LATS2: variants seen among roughly 807,000 people sequenced by gnomAD.
LATS2 encodes the protein large tumor suppressor kinase 2.
In LATS2, 24 loss-of-function variants were observed where a neutral mutation model predicts 76.0. That is an observed-to-expected ratio of 0.32 (90% CI 0.23 to 0.44). The LOEUF is 0.44. Among genes scored for constraint, LATS2 ranks in the 20% least tolerant of loss-of-function variants. The probability of loss-of-function intolerance (pLI) is 1.00; values close to 1 mark genes in which losing one functional copy is unlikely to be tolerated. For synonymous variants in LATS2, 692 were observed against 635.4 expected, an observed-to-expected ratio of 1.09 and a Z score of -1.34; for missense variants, 1,286 against 1,481.2, an observed-to-expected ratio of 0.87 and a Z score of 2.16.
intron 2 of LATS2, among the ~76,000 whole-genome samples, chr13:21,034,357 A>G (rs967116465): frequency 5.3e-5 from 8 of 152,158 alleles, no homozygotes; most frequent in African/African-American, 1.9e-4. Context: ...CCACGTGCCC[A>G]GGTGAAGTAC....
intron 2 of LATS2, among the ~76,000 whole-genome samples, chr13:21,021,155 A>G (rs897798558): frequency 2.0e-5 from 3 of 152,142 alleles, no homozygotes; most frequent in Admixed American, 6.6e-5. Flanking sequence ...TTACTTGTGA[A>G]TATGTTAAAC....
chr13:20,993,634 T>C (rs545039722), intron 2 of LATS2, among the ~76,000 whole-genome samples: 5 of 152,086 alleles, frequency 3.3e-5, no homozygotes, highest in African/African-American at 1.2e-4. Context: ...TTTGTTAAAG[T>C]GGCGCCTGGA....
intron 2 of LATS2, among the ~76,000 whole-genome samples, chr13:21,027,823 G>C (rs1215426863): frequency 6.6e-6 from 1 of 151,950 alleles, no homozygotes; most frequent in African/African-American, 2.4e-5. Context: ...GATTGTATTT[G>C]GATTCTGCTG....
intron 7 of LATS2, among the ~76,000 whole-genome samples, chr13:20,975,745 G>A (rs1209966697): frequency 6.6e-6 from 1 of 152,054 alleles, no homozygotes; most frequent in African/African-American, 2.4e-5. Context: ...GTGCAGTGGT[G>A]CGATCTTGGC....
chr13:20,992,378 C>G (rs1177217396), intron 2 of LATS2, among the ~76,000 whole-genome samples: 1 of 152,116 alleles, frequency 6.6e-6, no homozygotes, highest in Admixed American at 6.5e-5. Context: ...CTGGGGGCGG[C>G]TGTGGGTGCA....
chr13:21,035,470 G>A (rs1872659138), intron 2 of LATS2, among the ~76,000 whole-genome samples: 1 of 152,018 alleles, frequency 6.6e-6, no homozygotes, highest in Non-Finnish European at 1.5e-5. Flanking sequence ...ATGCAGACTG[G>A]AGACCCAGAA....
intron 1 of LATS2, among the ~76,000 whole-genome samples, chr13:21,052,707 CTTTCT>C (rs1448532321): frequency 6.6e-6 from 1 of 152,178 alleles, no homozygotes; most frequent in Non-Finnish European, 1.5e-5. Context: ...GTTAAAGTAG[CTTTCT>C]TTTAACTGTA....
At chr13:21,013,642 C>T (rs1450558624) in intron 2 of LATS2, among the ~76,000 whole-genome samples, 1 of 152,084 alleles carries the variant, frequency 6.6e-6, no homozygotes. Flanking sequence ...TTTTTCTTGT[C>T]CTCCCAATAA....
intron 2 of LATS2, among the ~76,000 whole-genome samples, chr13:21,031,897 C>A (rs1305440932): frequency 6.6e-6 from 1 of 152,138 alleles, no homozygotes; most frequent in Admixed American, 6.5e-5. Flanking sequence ...CCTGTATTTT[C>A]TCTTAATTCT....
intron 7 of LATS2, among the ~76,000 whole-genome samples, chr13:20,979,420 G>A (rs570163709): frequency 6.6e-6 from 1 of 152,230 alleles, no homozygotes; most frequent in Non-Finnish European, 1.5e-5. Flanking sequence ...CACTGTTCTT[G>A]CCTGGAAATA....
At position 21,015,573 on chromosome 13, in the gene LATS2, TAA is replaced by T. The variant is rs548160027; in HGVS notation, c.343-24171_343-24170del. On this transcript the variant is annotated intron_variant, in intron 2 of 7. Coordinates refer to ENST00000382592, the MANE Select transcript of LATS2 (RefSeq NM_014572.3). Reference sequence around the variant, plus strand: ...TTTGGCTTCACTAATGCCCAACTTTTAAAAGTTTCCTAGGTAGTTGTTTTAAA... The same window carrying T: ...TTTGGCTTCACTAATGCCCAACTTTTAAGTTTCCTAGGTAGTTGTTTTAAA... 1.5e-3 allele frequency among the ~76,000 whole-genome samples: 224 copies of T among 152,372 alleles called. 1 individual carries two copies. Among genetic ancestry groups the T allele is most frequent in the Non-Finnish European group, 2.4e-3 (163 of 68,032 alleles).
At position 20,988,871 on chromosome 13, in the gene LATS2, A is replaced by G. The variant is rs772331591; in HGVS notation, c.909T>C (p.Ala303=). ...AGAGCCCGGCGGCAGGGGGTGGGAA[A>G]GCGAGGCCGGCGCCTGGCGGTCCTC... ...GQGGPPGAGL[A]FPPPAAGLYV... The change falls in exon 4 of 8, where the codon GCT becomes GCC. Residue 303 remains alanine, a synonymous_variant. Coordinates refer to ENST00000382592, the MANE Select transcript of LATS2 (RefSeq NM_014572.3). 9 of 1,572,298 alleles carry G rather than the reference A, an allele frequency of 5.7e-6. No homozygotes were observed. In the Admixed American group the frequency reaches 1.6e-4, roughly 28 times the overall value.
At chr13:21,054,395 A>T (rs1873381294) in intron 1 of LATS2, among the ~76,000 whole-genome samples, 1 of 152,210 alleles carries the variant, frequency 6.6e-6, no homozygotes. Context: ...GCAACAGAGC[A>T]AGTCTCCACC....
At position 20,983,632 on chromosome 13, in the gene LATS2, C is replaced by A. The variant is rs575902148; in HGVS notation, c.2074G>T (p.Ala692Ser). 2 of 1,614,072 alleles carry A rather than the reference C, an allele frequency of 1.2e-6. No homozygotes were observed. The highest frequency in any genetic ancestry group is 1.1e-5 in the South Asian group (1 of 91,074). The change falls in exon 5 of 8, where the codon GCC becomes TCC. Residue 692 changes from alanine to serine, a missense_variant. This residue lies in a region of LATS2 where 247 missense variants were observed against 385.4 expected (regional missense o/e 0.64). Coordinates refer to ENST00000382592, the MANE Select transcript of LATS2 (RefSeq NM_014572.3). Reference protein sequence around the residue: ...VCLACKVDTHALYAMKTLRKK... With the variant: ...VCLACKVDTHSLYAMKTLRKK... ...CTTAGGGTCTTCATGGCGTACAGGGCGTGAGTGTCCACCTTACAAGCAAGG... is the reference window on the plus strand; with the variant it reads ...CTTAGGGTCTTCATGGCGTACAGGGAGTGAGTGTCCACCTTACAAGCAAGG...
chr13:21,001,344 T>C (rs1332725636), intron 2 of LATS2, among the ~76,000 whole-genome samples: 1 of 152,180 alleles, frequency 6.6e-6, no homozygotes, highest in African/African-American at 2.4e-5. Context: ...TACCAAAAAA[T>C]GGGCACTAAA....
rs573375670 is a variant in LATS2 at position 20,973,541 on chromosome 13, C to T, written c.*1329G>A. The T allele has an allele frequency of 3.9e-5, 9 of 230,626 alleles. No individual in the cohort carries two copies. Among genetic ancestry groups the T allele is most frequent in the South Asian group, 1.9e-4 (1 of 5,404 alleles). The allele number at this position is 230,626 out of a possible 1,614,324, so 14.3% of individuals were successfully genotyped here. A position where few individuals can be genotyped will look rare whatever the true frequency, so the allele number is the denominator to read the frequency against. On this transcript the variant is annotated 3_prime_UTR_variant, in exon 8 of 8. Transcript: ENST00000382592. ...GTGTGTGTGTGTGTGTGTGTATACA[C>T]GCACATACATCTATACTTCTAAGAA...
At chr13:21,023,684 CAAA>C (rs1872174554) in intron 2 of LATS2, among the ~76,000 whole-genome samples, 6 of 29,552 alleles carry the variant, frequency 2.0e-4, no homozygotes, top group African/African-American at 2.7e-4. Flanking sequence ...AAAAAAAAAA[CAAA>C]CCTCGGCCGG....
Position 20,983,711 on chromosome 13 carries a change from C to T in LATS2, c.1995G>A (p.Lys665=). 6.2e-7 allele frequency: 1 copy of T among 1,614,192 alleles called. No individual in the cohort carries two copies. The highest frequency in any genetic ancestry group is 8.5e-7 in the Non-Finnish European group (1 of 1,180,018). Residue 665 remains lysine (K), a synonymous_variant, in exon 5 of 8, where the codon AAG becomes AAA. Transcript: ENST00000382592. ...YNRLKRAKMD[K]SMFVKIKTLG... ...GGGTTTTGATCTTGACAAACATAGA[C>T]TTGTCCATCTTGGCCCTCTTTAACC...
chr13:20,982,350 T>C (rs1869929070), intron 5 of LATS2, among the ~76,000 whole-genome samples: 1 of 152,216 alleles, frequency 6.6e-6, no homozygotes, highest in East Asian at 1.9e-4. Flanking sequence ...TCGCTCTTGT[T>C]GCCCAGGCTG....
Sources: allele counts gnomAD v4.1 joint callset (sites outside exome capture counted in the v4.1 genomes callset), GRCh38; gene constraint gnomAD v4.1.1; regional missense constraint gnomAD v4.1.1; transcripts MANE v1.5; gene names NCBI Gene and HGNC (gene_info 2026-07-23, HGNC 2026-07-21).